The following MORN1 variants were observed in gnomAD, a reference collection of about 807,000 sequenced individuals.
MORN1 encodes the protein MORN repeat-containing protein 1.
Under a neutral mutation model 61.9 loss-of-function variants are expected in MORN1, and 67 were observed. The observed-to-expected ratio is 1.08, with a 90% CI of 0.89 to 1.33. The LOEUF is 1.33. MORN1 is among the 40% of genes most tolerant of loss of function. The pLI is 0.00. For synonymous variants in MORN1, 301 were observed against 292.0 expected (o/e 1.03, Z -0.31); for missense variants, 752 against 691.2 (o/e 1.09, Z -0.99).
At chr1:2,384,357 C>A (rs533447795) in intron 6 of MORN1, among the ~76,000 whole-genome samples, 10 of 152,358 alleles carry the variant, frequency 6.6e-5, no homozygotes, top group African/African-American at 2.4e-4. Flanking sequence ...CTGCCCCATT[C>A]GCCCGAGAAC....
intron 13 of MORN1, 81 bp from the exon 14 acceptor site, chr1:2,321,660 A>C: frequency 2.3e-4 from 324 of 1,403,100 alleles, no homozygotes; most frequent in Non-Finnish European, 2.7e-4. Context: ...CCACTGTCTC[A>C]TGTGCCCGCT....
chr1:2,352,992 C>A (rs998159586), intron 10 of MORN1, among the ~76,000 whole-genome samples: 3 of 152,204 alleles, frequency 2.0e-5, no homozygotes, highest in African/African-American at 4.8e-5. Context: ...TGGCCCCCAG[C>A]CCTCTCCCAG....
intron 13 of MORN1, chr1:2,323,894 C>T (rs1354819933): frequency 1.0e-5 from 10 of 985,184 alleles, no homozygotes; most frequent in Non-Finnish European, 1.2e-5. Context: ...CTTTCTGGAC[C>T]GTCCCCAGCC....
chr1:2,355,364 C>T (rs1050481340), intron 10 of MORN1: 3 of 1,533,776 alleles, frequency 2.0e-6, no homozygotes, highest in African/African-American at 2.8e-5. Flanking sequence ...ACCTGGGATG[C>T]CTGCATGCTC....
At chr1:2,348,288 C>A (rs758400652) in intron 10 of MORN1, among the ~76,000 whole-genome samples, 1 of 152,178 alleles carries the variant, frequency 6.6e-6, no homozygotes, top group African/African-American at 2.4e-5. Context: ...GGCATGGATG[C>A]GACGCTCATG....
At chr1:2,332,916 G>A (rs973848274) in intron 12 of MORN1, among the ~76,000 whole-genome samples, 11 of 152,154 alleles carry the variant, frequency 7.2e-5, no homozygotes, top group Admixed American at 2.0e-4. Context: ...GGGGCTCCGT[G>A]ACCTCCATGG....
At chr1:2,387,748 C>G in intron 3 of MORN1, 1 of 567,828 alleles carries the variant, frequency 1.8e-6, no homozygotes, top group Non-Finnish European at 3.2e-6. Context: ...GGCAGACACT[C>G]TCTTTGGGCA....
chr1:2,330,378 G>A (rs907487883), intron 12 of MORN1, among the ~76,000 whole-genome samples: 1 of 152,214 alleles, frequency 6.6e-6, no homozygotes, highest in Non-Finnish European at 1.5e-5. Flanking sequence ...ACCTCTTTGT[G>A]GCAGACGAGG....
chr1:2,387,905 T>A (rs1451854473), intron 3 of MORN1: 1 of 416,184 alleles, frequency 2.4e-6, no homozygotes, highest in Non-Finnish European at 4.3e-6. Flanking sequence ...GGGTCTGAGG[T>A]TCCTGGACAC....
At chr1:2,383,759 G>C (rs1251331345) in intron 6 of MORN1, among the ~76,000 whole-genome samples, 1 of 152,184 alleles carries the variant, frequency 6.6e-6, no homozygotes. Flanking sequence ...CATCTTCGTG[G>C]CTGCGACAGC....
intron 7 of MORN1, 78 bp downstream of exon 7, chr1:2,374,383 C>T: frequency 7.7e-7 from 1 of 1,306,642 alleles, no homozygotes; most frequent in Non-Finnish European, 1.1e-6. Context: ...GTCAGTGTTT[C>T]CCATATGGCT....
intron 10 of MORN1, among the ~76,000 whole-genome samples, chr1:2,339,314 G>A (rs371134902): frequency 5.3e-5 from 8 of 152,150 alleles, no homozygotes; most frequent in East Asian, 3.9e-4. Context: ...ACGGGTCCAC[G>A]GAGGGGGCGT....
In MORN1 at chr1:2,389,970, A is replaced by G. The variant is rs746140323; in HGVS notation, c.103T>C (p.Ser35Pro). ...NGYGVYVYPN[S>P]FFRYEGEWKA... is the part of the protein sequence containing the mutation. ...CATTCTCCTTCATATCGAAAGAAGG[A>G]ATTTGGGTATACGTAGACACCATAA... Residue 35 changes from serine (S) to proline (P), a missense_variant, in exon 2 of 14, where the codon TCC (serine) becomes CCC (proline). Coordinates refer to ENST00000378531, the MANE Select transcript of MORN1 (RefSeq NM_024848.3). 6.2e-7 allele frequency: 1 copy of G among 1,613,962 alleles called. No individual in the cohort carries two copies. Among genetic ancestry groups the G allele is most frequent in the Non-Finnish European group, 8.5e-7 (1 of 1,179,972 alleles).
intron 10 of MORN1, among the ~76,000 whole-genome samples, chr1:2,348,740 C>T (rs1267534673): frequency 1.5e-5 from 2 of 135,858 alleles, no homozygotes; most frequent in Admixed American, 7.3e-5. Flanking sequence ...CGCACACCTG[C>T]GCGGGCACGC....
At chr1:2,378,064 C>G (rs770207224) in intron 6 of MORN1, 3 of 152,446 alleles carry the variant, frequency 2.0e-5, no homozygotes, top group Middle Eastern at 3.4e-3. Context: ...TTCTGAAGAC[C>G]GGCCATTTGC....
chr1:2,359,163 C>A (rs1002202094), intron 8 of MORN1, among the ~76,000 whole-genome samples: 1 of 152,150 alleles, frequency 6.6e-6, no homozygotes, highest in African/African-American at 2.4e-5. Flanking sequence ...CTGGCACTCA[C>A]AAGCTCCCGG....
In MORN1 at chr1:2,357,179, C is replaced by T. The variant is rs1284838131; in HGVS notation, c.1036+253G>A. 1.3e-5 allele frequency among the ~76,000 whole-genome samples: 2 copies of T among 152,184 alleles called. No homozygotes were observed. The highest frequency in any genetic ancestry group is 2.9e-5 in the Non-Finnish European group (2 of 68,026). On this transcript the variant is annotated intron_variant, in intron 10 of 13. Coordinates refer to ENST00000378531, the MANE Select transcript of MORN1 (RefSeq NM_024848.3). This position sits in a 1 kb window ranked among gnomAD's most constrained non-coding sequence, Gnocchi z 6.3. The stretch of plus-strand genomic sequence containing the variant: ...TAGACCCAGAACTCTGCCCTGAGGA[C>T]CCCACGAGGCTGCAGCCCCTGCCAG...
chr1:2,391,127 G>A (rs1319853222), intron 1 of MORN1, among the ~76,000 whole-genome samples: 2 of 152,098 alleles, frequency 1.3e-5, no homozygotes, highest in African/African-American at 4.8e-5. Flanking sequence ...CCCAAGTCCT[G>A]GGCTTCGGGA....
At chr1:2,335,131 T>G (rs1423415895) in intron 12 of MORN1, among the ~76,000 whole-genome samples, 2 of 152,028 alleles carry the variant, frequency 1.3e-5, no homozygotes, top group Non-Finnish European at 2.9e-5. Context: ...GGGCGGCGCC[T>G]CCCCCATGCG....
Sources: gnomAD v4.1 joint callset for allele counts (sites outside exome capture counted in the v4.1 genomes callset) on GRCh38, gnomAD v4.1.1 for gene constraint, Gnocchi (gnomAD v3.1) non-coding constraint, MANE v1.5 for transcripts, NCBI Gene and HGNC (gene_info 2026-07-23, HGNC 2026-07-21) for gene names.